DYM: variants seen among roughly 807,000 people sequenced by gnomAD.
DYM encodes the protein dyggve-Melchior-Clausen syndrome protein.
In DYM, 78 loss-of-function variants were observed where a neutral mutation model predicts 93.1. The ratio of observed to expected loss-of-function variants is 0.84; its 90% CI spans 0.70 to 1.01. DYM has a LOEUF of 1.01. Among genes scored for constraint, DYM ranks in the 50% least tolerant of loss-of-function variants. The probability of loss-of-function intolerance (pLI) is 0.00; values close to 1 mark genes in which losing one functional copy is unlikely to be tolerated. For missense variants in DYM, 789 were observed against 845.0 expected (o/e 0.93, Z 0.82); for synonymous variants, 321 against 319.7 (o/e 1.00, Z -0.04).
intron 17 of DYM, among the ~76,000 whole-genome samples, chr18:49,081,338 C>G (rs1294362321): frequency 6.6e-6 from 1 of 151,718 alleles, no homozygotes. Flanking sequence ...CCCGTCTCCA[C>G]CAAAAAAGTA....
chr18:49,037,569 T>C lies in DYM; in HGVS notation c.*6486A>G, dbSNP rs2070751068. ...TGTAACAAACCTGAACAGGTACTCT[T>C]TAAATTTAAAATAAAATTAAAAGGT... is the stretch of plus-strand genomic sequence containing the variant. On this transcript the variant is annotated 3_prime_UTR_variant, in exon 18 of 18. Coordinates refer to ENST00000675505, the MANE Select transcript of DYM (RefSeq NM_001353214.3). Among the ~76,000 whole-genome samples, 1 of 150,880 alleles carries C rather than the reference T, an allele frequency of 6.6e-6. No homozygotes were observed. Among genetic ancestry groups the C allele is most frequent in the South Asian group, 2.1e-4 (1 of 4,814 alleles).
chr18:49,339,442 GTTGAGTAGCCCCTCTTGCTCTTCCAT>G (rs1200512044), intron 6 of DYM, among the ~76,000 whole-genome samples: 2 of 152,172 alleles, frequency 1.3e-5, no homozygotes, highest in Non-Finnish European at 2.9e-5. Flanking sequence ...TACGATGTGT[GTTGAGTAGCCCCTCTTGCTCTTCCAT>G]TTGCCGGCCA....
At chr18:49,344,742 T>C (rs1213063858) in intron 6 of DYM, among the ~76,000 whole-genome samples, 1 of 151,772 alleles carries the variant, frequency 6.6e-6, no homozygotes, top group Non-Finnish European at 1.5e-5. Context: ...ACAGACTCTA[T>C]ACAAAAATAA....
chr18:49,401,236 G>A (rs902999036), intron 2 of DYM, among the ~76,000 whole-genome samples: 1 of 152,294 alleles, frequency 6.6e-6, no homozygotes, highest in Middle Eastern at 3.4e-3. Context: ...CTTAGTCAAA[G>A]TAGCTAAACA....
chr18:49,454,618 G>A (rs1346523426), intron 1 of DYM, among the ~76,000 whole-genome samples: 1 of 152,118 alleles, frequency 6.6e-6, no homozygotes, highest in Non-Finnish European at 1.5e-5. Flanking sequence ...ATCTGCTGCA[G>A]GCCGGGTGCG....
At chr18:49,231,187 G>A (rs932665710) in intron 13 of DYM, among the ~76,000 whole-genome samples, 1 of 152,054 alleles carries the variant, frequency 6.6e-6, no homozygotes, top group Non-Finnish European at 1.5e-5. Context: ...ATATGTATGC[G>A]CTTATGTATG....
intron 13 of DYM, among the ~76,000 whole-genome samples, chr18:49,224,629 A>T (rs1296834365): frequency 1.3e-5 from 2 of 151,884 alleles, no homozygotes; most frequent in African/African-American, 4.8e-5. Flanking sequence ...GCTTGCTTCC[A>T]CTCTCCACCA....
chr18:49,070,595 G>C (rs2076807956), intron 17 of DYM, among the ~76,000 whole-genome samples: 1 of 152,116 alleles, frequency 6.6e-6, no homozygotes, highest in African/African-American at 2.4e-5. Context: ...ATTTTCTTAA[G>C]TTCCTCACAT....
At chr18:49,159,274 G>C (rs906355235) in intron 15 of DYM, among the ~76,000 whole-genome samples, 1 of 152,086 alleles carries the variant, frequency 6.6e-6, no homozygotes, top group Non-Finnish European at 1.5e-5. Context: ...CTTAATAATA[G>C]AACAACCTAA....
chr18:49,193,783 T>C (rs569491108), intron 14 of DYM, among the ~76,000 whole-genome samples: 3 of 152,302 alleles, frequency 2.0e-5, no homozygotes, highest in Non-Finnish European at 2.9e-5. Flanking sequence ...TGCCAAACCA[T>C]TTAACTTCTC....
intron 6 of DYM, among the ~76,000 whole-genome samples, chr18:49,344,357 T>C (rs1441966801): frequency 6.6e-6 from 1 of 152,138 alleles, no homozygotes. Context: ...CTTGGCTAAC[T>C]CATATTCATA....
chr18:49,196,449 A>ACG (rs1014957607), intron 14 of DYM, among the ~76,000 whole-genome samples: 1 of 151,942 alleles, frequency 6.6e-6, no homozygotes, highest in African/African-American at 2.4e-5. Flanking sequence ...ACACACACAC[A>ACG]CACACACACA....
rs117741232 is a variant in DYM at position 49,337,306 on chromosome 18, C to T, written c.495-3453G>A. 5.1e-3 allele frequency among the ~76,000 whole-genome samples: 780 copies of T among 152,284 alleles called. 1 individual carries two copies. The highest frequency in any genetic ancestry group is 7.9e-3 in the Non-Finnish European group (540 of 68,026). ...CTGTTGATTTTGCCTGACCAACATCCACCTCCTGTTCTTCTGGCAAAAGCA... is the reference window on the plus strand; with the variant it reads ...CTGTTGATTTTGCCTGACCAACATCTACCTCCTGTTCTTCTGGCAAAAGCA... On this transcript the variant is annotated intron_variant, in intron 6 of 17. Transcript: ENST00000675505.
At chr18:49,337,656 G>T (rs117354970) in intron 6 of DYM, among the ~76,000 whole-genome samples, 1 of 152,298 alleles carries the variant, frequency 6.6e-6, no homozygotes, top group East Asian at 1.9e-4. Flanking sequence ...AAGGAGAGAA[G>T]AAAGAGAGGA....
chr18:49,052,857 T>C (rs1480371373), intron 17 of DYM, among the ~76,000 whole-genome samples: 11 of 152,184 alleles, frequency 7.2e-5, no homozygotes, highest in Admixed American at 7.2e-4. Context: ...TTGGATCTCA[T>C]AGTCATGGCA....
intron 5 of DYM, among the ~76,000 whole-genome samples, chr18:49,376,387 A>T (rs1476576742): frequency 6.6e-6 from 1 of 152,242 alleles, no homozygotes; most frequent in Non-Finnish European, 1.5e-5. Flanking sequence ...GTATCAGTAG[A>T]GGAAAACAAA....
chr18:49,207,723 G>A (rs1279197794), intron 14 of DYM, among the ~76,000 whole-genome samples: 2 of 152,124 alleles, frequency 1.3e-5, no homozygotes, highest in African/African-American at 4.8e-5. Flanking sequence ...CAATATCAAG[G>A]CTTACCTGAA....
intron 15 of DYM, among the ~76,000 whole-genome samples, chr18:49,139,742 T>C (rs901872268): frequency 4.6e-5 from 7 of 152,232 alleles, no homozygotes; most frequent in African/African-American, 1.7e-4. Context: ...CTGTGAGTGC[T>C]GGAGCATTTT....
intron 6 of DYM, among the ~76,000 whole-genome samples, chr18:49,351,707 T>C (rs541208566): frequency 6.6e-6 from 1 of 152,300 alleles, no homozygotes; most frequent in East Asian, 1.9e-4. Context: ...ATACTGATTA[T>C]CAGAAACTCA....
Sources: allele counts gnomAD v4.1 joint callset (sites outside exome capture counted in the v4.1 genomes callset), GRCh38; gene constraint gnomAD v4.1.1; transcripts MANE v1.5; gene names NCBI Gene and HGNC (gene_info 2026-07-23, HGNC 2026-07-21).